ZNF644: variants seen among roughly 807,000 people sequenced by gnomAD.
ZNF644 encodes zinc finger protein 644, also known as zinc finger motif enhancer binding protein 2.
Under a neutral mutation model 108.0 loss-of-function variants are expected in ZNF644, and 20 were observed. The ratio of observed to expected loss-of-function variants is 0.19; its 90% CI spans 0.13 to 0.27. ZNF644 has a LOEUF of 0.27. Ranked by LOEUF, ZNF644 falls within the 10% of genes least tolerant of loss-of-function variation. The pLI, the probability that ZNF644 is intolerant of heterozygous loss-of-function variation, is 1.00. For missense variants in ZNF644, 1,338 were observed against 1,548.9 expected (o/e 0.86, Z 2.29); for synonymous variants, 542 against 539.1 (o/e 1.01, Z -0.08).
At chr1:90,961,001 C>A (rs1654282113) in intron 2 of ZNF644, among the ~76,000 whole-genome samples, 1 of 152,000 alleles carries the variant, frequency 6.6e-6, no homozygotes, top group African/African-American at 2.4e-5. Flanking sequence ...CACTACAGAC[C>A]TACACTAAAG....
chr1:90,938,508 T>C lies in ZNF644; in HGVS notation c.2846A>G (p.His949Arg), dbSNP rs1413096426. 1.2e-6 allele frequency: 2 copies of C among 1,613,900 alleles called. No homozygotes were observed. The highest frequency in any genetic ancestry group is 1.3e-5 in the African/African-American group (1 of 74,926). Residue 949 changes from histidine (H) to arginine (R), a missense_variant, in exon 3 of 6, where the codon CAT (histidine) becomes CGT (arginine). Physicochemically the swap from His to Arg is conservative, Grantham distance 29. Transcript: ENST00000337393. The surrounding 1 kb of genome is among the most constrained non-coding windows in gnomAD (Gnocchi z 4.2). ...ATCAGTCCAATGAAAAACAGAACTA[T>C]GCTTTGACAATGAAGCATCTGCAGT... ...LETADASLSK[H>R]SSVFHWTDLS...
intron 1 of ZNF644, among the ~76,000 whole-genome samples, chr1:90,989,285 A>C (rs973705514): frequency 6.6e-6 from 1 of 152,202 alleles, no homozygotes; most frequent in Non-Finnish European, 1.5e-5. Context: ...GTAGTGGCTC[A>C]TGACTGTAAT....
At chr1:90,924,935 C>T (rs1649856660) in intron 4 of ZNF644, among the ~76,000 whole-genome samples, 1 of 152,252 alleles carries the variant, frequency 6.6e-6, no homozygotes, top group East Asian at 1.9e-4. Flanking sequence ...TTTGCCCTAA[C>T]CTCCAATAGA....
chr1:90,932,126 T>C (rs1406819111), intron 4 of ZNF644, among the ~76,000 whole-genome samples: 1 of 152,174 alleles, frequency 6.6e-6, no homozygotes, highest in Non-Finnish European at 1.5e-5. Flanking sequence ...GGATATCCTT[T>C]TCAGTGTATT....
chr1:90,982,074 A>C (rs576155789), intron 2 of ZNF644, among the ~76,000 whole-genome samples: 16 of 152,240 alleles, frequency 1.1e-4, no homozygotes, highest in Non-Finnish European at 5.9e-5. Flanking sequence ...TGAATGCTTT[A>C]GTTAACCTCA....
intron 2 of ZNF644, among the ~76,000 whole-genome samples, chr1:90,944,277 T>A (rs964523813): frequency 1.3e-5 from 2 of 152,178 alleles, no homozygotes; most frequent in Non-Finnish European, 2.9e-5. Flanking sequence ...GGAGACTGCA[T>A]CCTCATTACC....
chr1:90,972,596 C>T (rs1655606713), intron 2 of ZNF644: 1 of 152,174 alleles, frequency 6.6e-6, no homozygotes, highest in Non-Finnish European at 1.5e-5. Flanking sequence ...CCATATGATC[C>T]AGCAATTCCA....
At chr1:91,000,305 A>T (rs1262607190) in intron 1 of ZNF644, among the ~76,000 whole-genome samples, 2 of 152,236 alleles carry the variant, frequency 1.3e-5, no homozygotes, top group Non-Finnish European at 2.9e-5. Flanking sequence ...ACTCCTCAAC[A>T]AATGTAAAAG....
chr1:90,982,146 T>A (rs1656612407), intron 2 of ZNF644, among the ~76,000 whole-genome samples, 164 bp downstream of exon 2: 2 of 152,110 alleles, frequency 1.3e-5, no homozygotes, highest in Admixed American at 6.6e-5. Flanking sequence ...TTTACTCCCA[T>A]CAAATCAACT....
intron 1 of ZNF644, among the ~76,000 whole-genome samples, chr1:90,998,192 C>T (rs1231895863): frequency 2.6e-5 from 4 of 152,158 alleles, no homozygotes; most frequent in African/African-American, 4.8e-5. Context: ...AGCTTTGAAG[C>T]GAGTAGTGGT....
intron 4 of ZNF644, among the ~76,000 whole-genome samples, chr1:90,925,210 G>A (rs1649894199): frequency 6.6e-6 from 1 of 152,182 alleles, no homozygotes; most frequent in Non-Finnish European, 1.5e-5. Flanking sequence ...CCACTGGGGG[G>A]AGGGCAATTG....
chr1:90,928,493 A>AT (rs1323832875), intron 4 of ZNF644, among the ~76,000 whole-genome samples: 5 of 147,954 alleles, frequency 3.4e-5, no homozygotes, highest in South Asian at 2.2e-4. Context: ...AGTTCTTTGT[A>AT]TTTTTTTTTA....
intron 2 of ZNF644, among the ~76,000 whole-genome samples, chr1:90,964,077 T>A (rs1654598554): frequency 6.6e-6 from 1 of 152,156 alleles, no homozygotes; most frequent in South Asian, 2.1e-4. Context: ...ACTTTCTTGT[T>A]ATACTTCAAG....
chr1:90,996,318 C>T (rs1016792449), intron 1 of ZNF644, among the ~76,000 whole-genome samples: 1 of 152,210 alleles, frequency 6.6e-6, no homozygotes, highest in African/African-American at 2.4e-5. Context: ...CCAGCAAGAT[C>T]ACTGGCAAAA....
intron 1 of ZNF644, among the ~76,000 whole-genome samples, chr1:90,987,768 G>A (rs1340563509): frequency 1.3e-5 from 2 of 151,912 alleles, no homozygotes; most frequent in African/African-American, 4.8e-5. Flanking sequence ...TAATACTGAT[G>A]CAAAAATCTA....
rs1363028622 is a variant in ZNF644, at chr1:90,940,271, T to C, written c.1083A>G (p.Gln361=). ...DEDLESVDAF[Q]HLIYNPDKCG... ...ACTTATCTGGGTTATAAATTAGATGTTGGAAGGCATCCACAGATTCTAAGT... is the reference window on the plus strand; with the variant it reads ...ACTTATCTGGGTTATAAATTAGATGCTGGAAGGCATCCACAGATTCTAAGT... Residue 361 remains glutamine (Q), a synonymous_variant, in exon 3 of 6, where the codon CAA becomes CAG. Transcript: ENST00000337393. The C allele has an allele frequency of 4.3e-6, 7 of 1,613,906 alleles. No individual in the cohort carries two copies. The highest frequency in any genetic ancestry group is 5.9e-6 in the Non-Finnish European group (7 of 1,179,970).
intron 1 of ZNF644, among the ~76,000 whole-genome samples, chr1:90,988,775 T>C (rs1657358032): frequency 6.6e-6 from 1 of 152,138 alleles, no homozygotes; most frequent in Non-Finnish European, 1.5e-5. Flanking sequence ...GGGCCAATAC[T>C]ATACAGAGAG....
At chr1:91,015,417 C>T (rs531634003) in intron 1 of ZNF644, among the ~76,000 whole-genome samples, 1 of 152,240 alleles carries the variant, frequency 6.6e-6, no homozygotes, top group South Asian at 2.1e-4. Flanking sequence ...ACCTACCAGC[C>T]ACTCCTCACT....
Position 91,021,978 on chromosome 1 carries a change from C to G in ZNF644, c.-18+12G>C. 2.5e-6 allele frequency: 1 copy of G among 398,986 alleles called. No homozygotes were observed. 24.7% of individuals were successfully genotyped at this position (398,986 alleles called of 1,614,324 possible). ...TCCCAGCGAATCTGACCAAATAACC[C>G]CTGAAACTCACAGTTTGGTGCCGTG... is the stretch of plus-strand genomic sequence containing the variant. On this transcript the variant is annotated intron_variant, in intron 1 of 5. Transcript: ENST00000337393.
Sources: gnomAD v4.1 joint callset for allele counts (sites outside exome capture counted in the v4.1 genomes callset) on GRCh38, gnomAD v4.1.1 for gene constraint, Gnocchi (gnomAD v3.1) non-coding constraint, MANE v1.5 for transcripts, NCBI Gene and HGNC (gene_info 2026-07-23, HGNC 2026-07-21) for gene names.